The following MOG variants were observed in gnomAD, a reference collection of about 807,000 sequenced individuals.
MOG encodes the protein myelin-oligodendrocyte glycoprotein.
MOG carries 20 observed loss-of-function variants against 35.9 expected under a neutral mutation model. That is an observed-to-expected ratio of 0.56 (90% CI 0.39 to 0.81). The LOEUF (loss-of-function observed/expected upper bound fraction) is 0.81. Ranked by LOEUF, MOG falls within the 30% of genes least tolerant of loss-of-function variation. The probability of loss-of-function intolerance (pLI) is 0.00; values close to 1 mark genes in which losing one functional copy is unlikely to be tolerated. For missense variants in MOG, 251 were observed against 301.0 expected, an observed-to-expected ratio of 0.83 and a Z score of 1.23; for synonymous variants, 92 against 114.3, an observed-to-expected ratio of 0.80 and a Z score of 1.25.
Position 29,668,091 on chromosome 6 carries a change from A to G in MOG, c.592+167A>G, listed in dbSNP as rs565076333. On this transcript the variant is annotated intron_variant, in intron 5 of 7. Coordinates refer to ENST00000376917, the MANE Select transcript of MOG (RefSeq NM_206809.4). ...TGCATTTAGGATTGGTAAAATCATA[A>G]TAAAAATACTCATGTACTGTTTTTA... Among the ~76,000 whole-genome samples the G allele has an allele frequency of 2.6e-4, 39 of 152,300 alleles. No homozygotes were observed. In the South Asian group the frequency reaches 6.0e-3, roughly 23 times the overall value.
chr6:29,663,202 G>A (rs1354160591), intron 2 of MOG, among the ~76,000 whole-genome samples: 3 of 149,914 alleles, frequency 2.0e-5, no homozygotes, highest in African/African-American at 7.4e-5. Flanking sequence ...AACCCGGGAG[G>A]CGGAGCTTGC....
At position 29,669,742 on chromosome 6, in the gene MOG, TTTG is replaced by T. The variant is rs370085186; in HGVS notation, c.593-536_593-534del. Among the ~76,000 whole-genome samples, 334 of 152,248 alleles carry T rather than the reference TTTG, an allele frequency of 2.2e-3. 7 individuals carry two copies. The highest frequency in any genetic ancestry group is 0.014 in the Middle Eastern group (4 of 294). On this transcript the variant is annotated intron_variant, in intron 5 of 7. Coordinates refer to ENST00000376917, the MANE Select transcript of MOG (RefSeq NM_206809.4). ...TGTGGTTAGTTGTAAAATGTTTTGGTTTGTTTTGTTTTTTCCAAGACTTGGGGG... is the reference window on the plus strand; with the variant it reads ...TGTGGTTAGTTGTAAAATGTTTTGGTTTTTGTTTTTTCCAAGACTTGGGGG...
intron 2 of MOG, 42 bp downstream of exon 2, chr6:29,659,708 GC>G (rs765125489): frequency 2.6e-5 from 39 of 1,518,352 alleles, no homozygotes; most frequent in Non-Finnish European, 3.4e-5. Flanking sequence ...CTGTTGGGTG[GC>G]CAAGAACAAT....
In MOG at chr6:29,658,003, C is replaced by T. The variant is rs190255270; in HGVS notation, c.88+706C>T. Reference sequence around the variant, plus strand: ...CTTGAACTACTTCTTACTTGTCTTTCCAGCTTTGTCTTTTCACCTCTCAAA... The same window carrying T: ...CTTGAACTACTTCTTACTTGTCTTTTCAGCTTTGTCTTTTCACCTCTCAAA... On this transcript the variant is annotated intron_variant, in intron 1 of 7. Coordinates refer to ENST00000376917, the MANE Select transcript of MOG (RefSeq NM_206809.4). Among the ~76,000 whole-genome samples, 52 of 152,274 alleles carry T rather than the reference C, an allele frequency of 3.4e-4. 1 individual carries two copies. The South Asian group carries it at 7.5e-3, about 22-fold the overall frequency.
At chr6:29,659,286 C>T in intron 1 of MOG, 33 bp from the exon 2 acceptor site, 1 of 1,608,630 alleles carries the variant, frequency 6.2e-7, no homozygotes, top group Non-Finnish European at 8.5e-7. Flanking sequence ...TTCCCTCTGA[C>T]CTTAAATCTC....
Position 29,662,383 on chromosome 6 carries a change from C to T in MOG, c.436+2717C>T, listed in dbSNP as rs939371301. Among the ~76,000 whole-genome samples the T allele has an allele frequency of 2.6e-5, 4 of 151,984 alleles. No homozygotes were observed. Among genetic ancestry groups the T allele is most frequent in the Admixed American group, 2.6e-4 (4 of 15,252 alleles). ...CCAGTAATCCCAGCTACTTGAGAGA[C>T]TGAGGCAGGAGAATCGCTTGAACCG... is the stretch of plus-strand genomic sequence containing the variant. On this transcript the variant is annotated intron_variant, in intron 2 of 7. Transcript: ENST00000376917. The surrounding 1 kb of genome is among the most constrained non-coding windows in gnomAD (Gnocchi z 4.2).
At position 29,662,791 on chromosome 6, in the gene MOG, A is replaced by G. The variant is rs1769144018; in HGVS notation, c.436+3125A>G. Among the ~76,000 whole-genome samples, 1 of 152,080 alleles carries G rather than the reference A, an allele frequency of 6.6e-6. No individual in the cohort carries two copies. The highest frequency in any genetic ancestry group is 2.1e-4 in the South Asian group (1 of 4,822). ...ATCCTCCCACCTCAGCCTACATAGT[A>G]GCTGGGACCACAGGCACACACCACC... is the stretch of plus-strand genomic sequence containing the variant. On this transcript the variant is annotated intron_variant, in intron 2 of 7. Transcript: ENST00000376917. The surrounding 1 kb of genome is among the most constrained non-coding windows in gnomAD (Gnocchi z 4.2).
Position 29,659,386 on chromosome 6 carries a change from A to C in MOG, c.156A>C (p.Pro52=). 1 of 1,612,950 alleles carries C rather than the reference A, an allele frequency of 6.2e-7. No homozygotes were observed. The highest frequency in any genetic ancestry group is 8.5e-7 in the Non-Finnish European group (1 of 1,179,966). ...RALVGDEVEL[P]CRISPGKNAT... is the part of the protein sequence containing the mutation. ...TGGTCGGGGATGAAGTGGAATTGCC[A>C]TGTCGCATATCTCCTGGGAAGAACG... The change falls in exon 2 of 8, where the codon CCA becomes CCC. Residue 52 remains proline, a synonymous_variant. Transcript: ENST00000376917.
At chr6:29,671,061 G>A in intron 7 of MOG, 111 bp from the exon 8 acceptor site, 3 of 1,612,358 alleles carry the variant, frequency 1.9e-6, no homozygotes, top group Non-Finnish European at 2.5e-6. Flanking sequence ...CAACCATTGA[G>A]GCAGGAATGG....
chr6:29,663,084 A>G (rs1769245061), intron 2 of MOG, among the ~76,000 whole-genome samples: 1 of 152,192 alleles, frequency 6.6e-6, no homozygotes, highest in East Asian at 1.9e-4. Context: ...CCTAGCTAAC[A>G]TGGTGAAACC....
intron 2 of MOG, chr6:29,664,645 C>T (rs1332759360): frequency 2.2e-6 from 1 of 450,602 alleles, no homozygotes; most frequent in Non-Finnish European, 4.4e-6. Context: ...CACTCTGTCA[C>T]CCAGGATTGG....
At chr6:29,668,285 ACTGTATCAC>A (rs1400614551) in intron 5 of MOG, among the ~76,000 whole-genome samples, 1 of 152,188 alleles carries the variant, frequency 6.6e-6, no homozygotes, top group Non-Finnish European at 1.5e-5. Context: ...ACAAGACACA[ACTGTATCAC>A]CTGTACTTAT....
In MOG at chr6:29,671,930, G is replaced by A. The variant is rs1416020766; in HGVS notation, c.*745G>A. The A allele has an allele frequency of 5.9e-6, 1 of 168,396 alleles. No homozygotes were observed. The highest frequency in any genetic ancestry group is 1.3e-5 in the Non-Finnish European group (1 of 77,176). 10.4% of individuals were successfully genotyped at this position (168,396 alleles called of 1,614,324 possible). A position where few individuals can be genotyped will look rare whatever the true frequency, so the allele number is the denominator to read the frequency against. On this transcript the variant is annotated 3_prime_UTR_variant, in exon 8 of 8. Transcript: ENST00000376917. ...CTTCATATCTATCAGAGTATCCACT[G>A]TTTATTCAACAACTACTACTTGATG...
At chr6:29,664,210 A>ATTTTTTTTTTTTTTTTTTTTTTTT in intron 2 of MOG, among the ~76,000 whole-genome samples, 1 of 145,502 alleles carries the variant, frequency 6.9e-6, no homozygotes. Flanking sequence ...TTATTTATTT[A>ATTTTTTTTTTTTTTTTTTTTTTTT]TTTATTTTTT....
chr6:29,670,272 A>G lies in MOG; in HGVS notation c.593-9A>G. Reference sequence around the variant, plus strand: ...ATGTTAACCCTGTTTGTTCTGGTGAACAATTCAGATCCCCACTTTCTGAGG... The same window carrying G: ...ATGTTAACCCTGTTTGTTCTGGTGAGCAATTCAGATCCCCACTTTCTGAGG... On this transcript the variant is annotated splice_polypyrimidine_tract_variant and intron_variant, in intron 5 of 7. Coordinates refer to ENST00000376917, the MANE Select transcript of MOG (RefSeq NM_206809.4). The surrounding 1 kb of genome is among the most constrained non-coding windows in gnomAD (Gnocchi z 4.2). 6.2e-7 allele frequency: 1 copy of G among 1,614,172 alleles called. No homozygotes were observed. The highest frequency in any genetic ancestry group is 1.6e-4 in the Middle Eastern group (1 of 6,062).
At chr6:29,669,163 C>T (rs1454433476) in intron 5 of MOG, among the ~76,000 whole-genome samples, 1 of 150,136 alleles carries the variant, frequency 6.7e-6, no homozygotes, top group African/African-American at 2.4e-5. Flanking sequence ...TCAGGTGATC[C>T]ACCTGCCTTG....
rs1346113776 is a variant in MOG at position 29,664,754 on chromosome 6, G to A, written c.437-1398G>A. The A allele has an allele frequency of 8.2e-6, 3 of 363,844 alleles. No homozygotes were observed. In the East Asian group the frequency reaches 2.9e-4, roughly 36 times the overall value. 22.5% of individuals were successfully genotyped at this position (363,844 alleles called of 1,614,324 possible). A position where few individuals can be genotyped will look rare whatever the true frequency, so the allele number is the denominator to read the frequency against. ...TGAATAGCTGAGACCACAGGCTTGT[G>A]TCACCATGCCCAGGTAATTTTTAAT... is the stretch of plus-strand genomic sequence containing the variant. On this transcript the variant is annotated intron_variant, in intron 2 of 7. Coordinates refer to ENST00000376917, the MANE Select transcript of MOG (RefSeq NM_206809.4).
Position 29,661,008 on chromosome 6 carries a change from C to T in MOG, c.436+1342C>T, listed in dbSNP as rs116303327. Among the ~76,000 whole-genome samples, 283 of 152,190 alleles carry T rather than the reference C, an allele frequency of 1.9e-3. 1 individual carries two copies. Among genetic ancestry groups the T allele is most frequent in the African/African-American group, 6.1e-3 (254 of 41,542 alleles). On this transcript the variant is annotated intron_variant, in intron 2 of 7. Transcript: ENST00000376917. ...ACAGGCATGAGCCATGGTGCCCGGCCTCAGAATTTCATTTTCAACATGTTT... is the reference window on the plus strand; with the variant it reads ...ACAGGCATGAGCCATGGTGCCCGGCTTCAGAATTTCATTTTCAACATGTTT...
In MOG at chr6:29,657,258, C is replaced by T. The variant is rs761254394; in HGVS notation, c.49C>T (p.Leu17Phe). ...PSLPSCLCSF[L>F]LLLLLQVSSS... ...TCTGCCCAGCTGCCTCTGCTCCTTCCTCCTCCTCCTCCTCCTCCAAGTGTC... is the reference window on the plus strand; with the variant it reads ...TCTGCCCAGCTGCCTCTGCTCCTTCTTCCTCCTCCTCCTCCTCCAAGTGTC... The change falls in exon 1 of 8, where the codon CTC (leucine) becomes TTC (phenylalanine). Residue 17 changes from leucine to phenylalanine, a missense_variant. Leu to Phe is a conservative substitution (Grantham distance 22). Transcript: ENST00000376917. The T allele has an allele frequency of 1.7e-6, 2 of 1,180,488 alleles. No individual in the cohort carries two copies. The highest frequency in any genetic ancestry group is 2.7e-5 in the East Asian group (1 of 36,720). The allele number at this position is 1,180,488 out of a possible 1,614,324, so 73.1% of individuals were successfully genotyped here.
Sources: allele counts gnomAD v4.1 joint callset (sites outside exome capture counted in the v4.1 genomes callset), GRCh38; gene constraint gnomAD v4.1.1; non-coding constraint Gnocchi (gnomAD v3.1); transcripts MANE v1.5; gene names NCBI Gene and HGNC (gene_info 2026-07-23, HGNC 2026-07-21).